The following SERPINE2 variants were observed in gnomAD, a reference collection of about 807,000 sequenced individuals.
The protein encoded by SERPINE2 is glia-derived nexin.
A neutral mutation model predicts 36.3 loss-of-function variants in SERPINE2; 14 were observed. The ratio of observed to expected loss-of-function variants is 0.39; its 90% CI spans 0.25 to 0.60. SERPINE2 has a LOEUF of 0.60. Among genes scored for constraint, SERPINE2 ranks in the 20% least tolerant of loss-of-function variants. The probability of loss-of-function intolerance (pLI) is 0.57; values close to 1 mark genes in which losing one functional copy is unlikely to be tolerated. For missense variants in SERPINE2, 418 were observed against 499.6 expected, an observed-to-expected ratio of 0.84 and a Z score of 1.56; for synonymous variants, 192 against 191.8, an observed-to-expected ratio of 1.00 and a Z score of -0.01.
chr2:223,987,618 G>T (rs1690486225), intron 4 of SERPINE2, among the ~76,000 whole-genome samples: 1 of 152,164 alleles, frequency 6.6e-6, no homozygotes. Context: ...GAGAAAATAA[G>T]GATTTTCTCT....
chr2:224,018,601 AAT>A (rs917801986), intron 1 of SERPINE2, among the ~76,000 whole-genome samples: 1 of 149,558 alleles, frequency 6.7e-6, no homozygotes, highest in African/African-American at 2.5e-5. Context: ...AAAAAAAAAA[AAT>A]AATAATAAAA....
chr2:224,013,321 C>T (rs1324293019), intron 1 of SERPINE2, among the ~76,000 whole-genome samples: 2 of 152,184 alleles, frequency 1.3e-5, no homozygotes, highest in African/African-American at 2.4e-5. Context: ...AAGGCATGGA[C>T]TCTCCTTGTG....
chr2:224,038,779 C>A, intron 1 of SERPINE2: 1 of 505,512 alleles, frequency 2.0e-6, no homozygotes, highest in South Asian at 3.0e-5. Context: ...ACGCCGGCCC[C>A]GGTGCTCCCA....
At chr2:224,008,245 TGTTTTATTAA>T (rs1179656272) in intron 1 of SERPINE2, among the ~76,000 whole-genome samples, 1 of 152,228 alleles carries the variant, frequency 6.6e-6, no homozygotes, top group Non-Finnish European at 1.5e-5. Context: ...CTAAGTGCAC[TGTTTTATTAA>T]GAGTTACCAA....
In SERPINE2 at chr2:224,030,318, A is replaced by G. The variant is rs1397333681; in HGVS notation, c.-23+8781T>C. 3 of 714,606 alleles carry G rather than the reference A, an allele frequency of 4.2e-6. No homozygotes were observed. In the African/African-American group the frequency reaches 5.8e-5, roughly 14 times the overall value. 44.3% of individuals were successfully genotyped at this position (714,606 alleles called of 1,614,324 possible). A position where few individuals can be genotyped will look rare whatever the true frequency, so the allele number is the denominator to read the frequency against. ...TGCAAAGACACAGAGCAAGTCACTC[A>G]TTCATCAGGCCAAAGACACGAGGAA... is the stretch of plus-strand genomic sequence containing the variant. On this transcript the variant is annotated intron_variant, in intron 1 of 8. Transcript: ENST00000409304.
chr2:224,033,874 C>A (rs577800098), intron 1 of SERPINE2, among the ~76,000 whole-genome samples: 52 of 152,306 alleles, frequency 3.4e-4, no homozygotes, highest in African/African-American at 1.3e-3. Flanking sequence ...CTGTATTAGA[C>A]TTCCGCTTTT....
rs145824827 is a variant in SERPINE2, at chr2:224,030,272, A to G, written c.-23+8827T>C. ...ACTGCCCACTGAGAGTGCAGCAGGA[A>G]AGGTGTCTGGAAACAAAGCATGCAA... On this transcript the variant is annotated intron_variant, in intron 1 of 8. Transcript: ENST00000409304. 9.9e-4 allele frequency: 963 copies of G among 972,932 alleles called. 1 individual carries two copies. In the Middle Eastern group the frequency reaches 0.016, roughly 17 times the overall value. 60.3% of individuals were successfully genotyped at this position (972,932 alleles called of 1,614,324 possible).
chr2:224,036,667 G>C (rs1437741740), intron 1 of SERPINE2, among the ~76,000 whole-genome samples: 3 of 149,514 alleles, frequency 2.0e-5, no homozygotes, highest in Non-Finnish European at 4.4e-5. Flanking sequence ...AAGATTGCTT[G>C]TTCAGGAAGT....
chr2:223,980,012 G>C (rs1193606139), intron 7 of SERPINE2: 1 of 229,134 alleles, frequency 4.4e-6, no homozygotes, highest in African/African-American at 2.3e-5. Context: ...AGCTGTAATG[G>C]AGATGGTATG....
intron 1 of SERPINE2, among the ~76,000 whole-genome samples, chr2:224,007,672 A>C (rs1206333613): frequency 1.3e-5 from 2 of 152,206 alleles, no homozygotes. Context: ...ATTACGATCT[A>C]AGTAAGCTCC....
At chr2:224,007,083 A>G (rs780913107) in intron 1 of SERPINE2, among the ~76,000 whole-genome samples, 2 of 152,258 alleles carry the variant, frequency 1.3e-5, no homozygotes, top group Non-Finnish European at 2.9e-5. Flanking sequence ...TTTCTACCTA[A>G]TAAATTCTTT....
intron 1 of SERPINE2, among the ~76,000 whole-genome samples, chr2:224,027,701 T>C (rs1472079649): frequency 2.0e-5 from 3 of 152,168 alleles, no homozygotes; most frequent in Admixed American, 1.3e-4. Context: ...CCCCATACCA[T>C]ATGCCACTGT....
chr2:224,026,230 G>A (rs1550308), intron 1 of SERPINE2, among the ~76,000 whole-genome samples: 46,183 of 152,086 alleles, frequency 0.3, 7,239 homozygotes, highest in Non-Finnish European at 0.34. Context: ...CGCCCACTTC[G>A]GGCTTTATAC....
intron 8 of SERPINE2, among the ~76,000 whole-genome samples, chr2:223,976,394 C>T (rs1344019741): frequency 2.0e-5 from 3 of 152,140 alleles, no homozygotes; most frequent in African/African-American, 7.2e-5. Context: ...TCAGGTGATC[C>T]ACCCGCCTTG....
intron 1 of SERPINE2, among the ~76,000 whole-genome samples, chr2:224,028,134 A>T (rs1692245629): frequency 6.6e-6 from 1 of 152,158 alleles, no homozygotes; most frequent in Admixed American, 6.5e-5. Context: ...TTCTGTCATC[A>T]AACTGTACCC....
intron 1 of SERPINE2, chr2:224,031,444 G>A (rs1461475334): frequency 1.0e-6 from 1 of 985,512 alleles, no homozygotes; most frequent in Non-Finnish European, 1.2e-6. Context: ...AGGCAGCACG[G>A]TCCTCTCCAC....
In SERPINE2 at chr2:223,998,117, C is replaced by T. The variant is rs144110162; in HGVS notation, c.485G>A (p.Arg162Lys). ...AATGACATACTGCGGCCACTCACCC[C>T]TGGTTTCATTTTTAACCCATGCATT... ...SINAWVKNET[R>K]DMIDNLLSPD... Residue 162 changes from arginine (R) to lysine (K), a missense_variant and splice_region_variant, in exon 3 of 9, where the codon AGG (arginine) becomes AAG (lysine). Transcript: ENST00000409304. 3.7e-6 allele frequency: 6 copies of T among 1,613,268 alleles called. No homozygotes were observed. In the African/African-American group the frequency reaches 6.7e-5, roughly 18 times the overall value.
At chr2:223,986,429 G>A (rs551449601) in intron 4 of SERPINE2, among the ~76,000 whole-genome samples, 12 of 152,166 alleles carry the variant, frequency 7.9e-5, no homozygotes, top group East Asian at 1.9e-4. Flanking sequence ...AGGATTCTTC[G>A]TCTTTACTCT....
intron 1 of SERPINE2, chr2:224,031,480 A>C: frequency 2.0e-6 from 2 of 985,506 alleles, no homozygotes; most frequent in Non-Finnish European, 2.4e-6. Context: ...CCAAGGATTG[A>C]CCATGTGATT....
Sources: allele counts gnomAD v4.1 joint callset (sites outside exome capture counted in the v4.1 genomes callset), GRCh38; gene constraint gnomAD v4.1.1; transcripts MANE v1.5; gene names NCBI Gene and HGNC (gene_info 2026-07-23, HGNC 2026-07-21).